The following FBN2 variants were observed in gnomAD, a reference collection of about 807,000 sequenced individuals.
FBN2 encodes the protein fibrillin 2, also known as fibrillin-2.
Under a neutral mutation model 355.6 loss-of-function variants are expected in FBN2, and 105 were observed. The observed-to-expected ratio is 0.30, with a 90% CI of 0.25 to 0.35. The LOEUF (loss-of-function observed/expected upper bound fraction) is 0.35. Among genes scored for constraint, FBN2 ranks in the 10% least tolerant of loss-of-function variants. The probability of loss-of-function intolerance (pLI) is 1.00; values close to 1 mark genes in which losing one functional copy is unlikely to be tolerated. For synonymous variants in FBN2, 1,350 were observed against 1,301.2 expected (o/e 1.04, Z -0.81); for missense variants, 3,280 against 3,758.7 (o/e 0.87, Z 3.33).
chr5:128,374,747 A>G lies in FBN2; in HGVS notation c.1976T>C (p.Val659Ala), dbSNP rs780110166. Reference sequence around the variant, plus strand: ...GATTCCTGGGGTCTGGCATTCATCAACATCTGTGCAGTGGGTGACAGAAGC... The same window carrying G: ...GATTCCTGGGGTCTGGCATTCATCAGCATCTGTGCAGTGGGTGACAGAAGC... Reference protein sequence around the residue: ...LAPNGRYCTDVDECQTPGICM... With the variant: ...LAPNGRYCTDADECQTPGICM... Residue 659 changes from valine (V) to alanine (A), a missense_variant, in exon 15 of 65, where the codon GTT becomes GCT. Physicochemically the swap from Val to Ala is moderately conservative, Grantham distance 64. Coordinates refer to ENST00000262464, the MANE Select transcript of FBN2 (RefSeq NM_001999.4). The G allele has an allele frequency of 6.2e-7, 1 of 1,613,874 alleles. No homozygotes were observed. The highest frequency in any genetic ancestry group is 1.1e-5 in the South Asian group (1 of 91,080).
At position 128,350,793 on chromosome 5, in the gene FBN2, C is replaced by T. The variant is rs371511484; in HGVS notation, c.2812+75G>A. 3.9e-5 allele frequency: 60 copies of T among 1,523,456 alleles called. 1 individual carries two copies. The South Asian group carries it at 4.4e-4, about 11-fold the overall frequency. 94.4% of individuals were successfully genotyped at this position (1,523,456 alleles called of 1,614,324 possible). A position where few individuals can be genotyped will look rare whatever the true frequency, so the allele number is the denominator to read the frequency against. The stretch of plus-strand genomic sequence containing the variant: ...TCTGACCTTCTTCACTAAGGAACTG[C>T]GTAGTGAAAGAGGTGTCCTAGTGGC... On this transcript the variant is annotated intron_variant, in intron 21 of 64. Coordinates refer to ENST00000262464, the MANE Select transcript of FBN2 (RefSeq NM_001999.4).
intron 25 of FBN2, among the ~76,000 whole-genome samples, chr5:128,339,430 T>A (rs958928318): frequency 1.7e-4 from 26 of 151,544 alleles, no homozygotes; most frequent in Admixed American, 7.9e-4. Flanking sequence ...GCCTGGGCAA[T>A]GTAGGGAGAC....
At chr5:128,282,840 C>T (rs1749013077) in intron 55 of FBN2, among the ~76,000 whole-genome samples, 1 of 152,182 alleles carries the variant, frequency 6.6e-6, no homozygotes, top group African/African-American at 2.4e-5. Flanking sequence ...CCTACTTCTA[C>T]CTACTCTATG....
chr5:128,470,701 G>A (rs983627927), intron 5 of FBN2, among the ~76,000 whole-genome samples: 3 of 152,160 alleles, frequency 2.0e-5, no homozygotes, highest in Admixed American at 6.5e-5. Flanking sequence ...TGAGATCAAT[G>A]GACTAGATGT....
intron 21 of FBN2, among the ~76,000 whole-genome samples, 170 bp from the exon 22 acceptor site, chr5:128,350,175 T>C (rs577052780): frequency 1.3e-5 from 2 of 152,368 alleles, no homozygotes; most frequent in African/African-American, 2.4e-5. Flanking sequence ...GGCACATGAC[T>C]TTCTGTGGTA....
At chr5:128,500,605 C>G (rs1477782430) in intron 5 of FBN2, among the ~76,000 whole-genome samples, 2 of 151,732 alleles carry the variant, frequency 1.3e-5, no homozygotes, top group Non-Finnish European at 2.9e-5. Flanking sequence ...CCACCGCACC[C>G]GGCTAATTTT....
chr5:128,418,276 T>C (rs1753257565), intron 7 of FBN2, among the ~76,000 whole-genome samples: 1 of 152,156 alleles, frequency 6.6e-6, no homozygotes, highest in South Asian at 2.1e-4. Context: ...CAATCATGTT[T>C]ATCTTTTCAG....
At chr5:128,345,320 G>A in intron 24 of FBN2, 37 bp downstream of exon 24, 2 of 1,512,660 alleles carry the variant, frequency 1.3e-6, no homozygotes, top group Non-Finnish European at 1.8e-6. Context: ...CTTCCTGTTG[G>A]TGAAGAAGGA....
At chr5:128,411,320 T>C (rs150357262) in intron 7 of FBN2, among the ~76,000 whole-genome samples, 1 of 152,318 alleles carries the variant, frequency 6.6e-6, no homozygotes, top group Non-Finnish European at 1.5e-5. Flanking sequence ...ATGCCCAGTG[T>C]TTTCAAATTC....
At chr5:128,530,833 G>A (rs1464180681) in intron 2 of FBN2, 140 bp from the exon 3 acceptor site, 7 of 652,920 alleles carry the variant, frequency 1.1e-5, no homozygotes, top group Non-Finnish European at 1.9e-5. Context: ...CTTCAGATAT[G>A]CAATAAAATT....
chr5:128,427,257 A>G (rs1163830618), intron 7 of FBN2, among the ~76,000 whole-genome samples: 1 of 152,216 alleles, frequency 6.6e-6, no homozygotes, highest in East Asian at 1.9e-4. Context: ...GTCCAGGCAC[A>G]TAGCTAGTCC....
rs369651008 is a variant in FBN2, at chr5:128,273,987, G to A, written c.7712-19C>T. On this transcript the variant is annotated intron_variant, in intron 60 of 64. Coordinates refer to ENST00000262464, the MANE Select transcript of FBN2 (RefSeq NM_001999.4). The stretch of plus-strand genomic sequence containing the variant: ...TTGTTGTCTGGCAAAGCATCAAGAA[G>A]CAGAGCGTCAAACTTTCCAATCATA... The A allele has an allele frequency of 6.2e-7, 1 of 1,613,578 alleles. No homozygotes were observed. The highest frequency in any genetic ancestry group is 8.5e-7 in the Non-Finnish European group (1 of 1,179,740).
rs753512475 is a variant in FBN2, at chr5:128,393,319, T to G, written c.1281A>C (p.Pro427=). The change falls in exon 10 of 65, where the codon CCA becomes CCC. Residue 427 remains proline, a synonymous_variant. Transcript: ENST00000262464. ...CTCCAGGTCTGGAACCAGCACTCCC[T>G]GGAATTCCTCCCATTGGAAGTCCAT... is the stretch of plus-strand genomic sequence containing the variant. The part of the protein sequence containing the change: ...CMDGLPMGGI[P]GSAGSRPGGT... 1.9e-6 allele frequency: 3 copies of G among 1,614,052 alleles called. No homozygotes were observed. Among genetic ancestry groups the G allele is most frequent in the Non-Finnish European group, 2.5e-6 (3 of 1,180,042 alleles).
At chr5:128,460,312 C>G (rs1381070843) in intron 6 of FBN2, among the ~76,000 whole-genome samples, 1 of 151,918 alleles carries the variant, frequency 6.6e-6, no homozygotes, top group Non-Finnish European at 1.5e-5. Flanking sequence ...ATGTGAAAGG[C>G]CTCTTAAAGA....
intron 6 of FBN2, among the ~76,000 whole-genome samples, chr5:128,455,796 C>CGAATCG (rs1754367080): frequency 6.6e-6 from 1 of 151,650 alleles, no homozygotes; most frequent in Non-Finnish European, 1.5e-5. Context: ...GTGCAACCCA[C>CGAATCG]GAATCGGAGG....
In FBN2 at chr5:128,303,056, T is replaced by C. The variant is rs863223578; in HGVS notation, c.5834A>G (p.Asn1945Ser). 3.8e-5 allele frequency: 62 copies of C among 1,612,494 alleles called. No individual in the cohort carries two copies. Among genetic ancestry groups the C allele is most frequent in the Middle Eastern group, 1.6e-4 (1 of 6,082 alleles). ...VDECERHPCG[N>S]GTCKNTVGSY... ...TCCAACGGTGTTTTTACAAGTTCCA[T>C]TTCCACATGGATGCCGCTCGCACTC... Residue 1945 changes from asparagine (N) to serine (S), a missense_variant, in exon 46 of 65, where the codon AAT becomes AGT. Physicochemically the swap from Asn to Ser is conservative, Grantham distance 46 (BLOSUM62 1). Transcript: ENST00000262464.
At chr5:128,331,620 G>C (rs926497365) in intron 32 of FBN2, among the ~76,000 whole-genome samples, 3 of 152,168 alleles carry the variant, frequency 2.0e-5, no homozygotes, top group African/African-American at 7.2e-5. Context: ...TGGATTGCAG[G>C]AGGGCCAGAG....
chr5:128,471,204 C>T (rs1375744532), intron 5 of FBN2, among the ~76,000 whole-genome samples: 1 of 151,892 alleles, frequency 6.6e-6, no homozygotes, highest in Non-Finnish European at 1.5e-5. Context: ...CTAATTCCTT[C>T]GAGTAATGGA....
chr5:128,417,555 T>G (rs984485566), intron 7 of FBN2, among the ~76,000 whole-genome samples: 3 of 152,154 alleles, frequency 2.0e-5, no homozygotes, highest in Non-Finnish European at 2.9e-5. Flanking sequence ...GGATTTTTCA[T>G]GAAGGGATGA....
Sources: gnomAD v4.1 joint callset for allele counts (sites outside exome capture counted in the v4.1 genomes callset) on GRCh38, gnomAD v4.1.1 for gene constraint, MANE v1.5 for transcripts, NCBI Gene and HGNC (gene_info 2026-07-23, HGNC 2026-07-21) for gene names.